FLT4: variants seen among roughly 807,000 people sequenced by gnomAD.
FLT4 encodes vascular endothelial growth factor receptor 3.
A neutral mutation model predicts 163.2 loss-of-function variants in FLT4; 30 were observed. That is an observed-to-expected ratio of 0.18 (90% confidence interval 0.14 to 0.25). The LOEUF is 0.25. Among genes scored for constraint, FLT4 ranks in the 10% least tolerant of loss-of-function variants. FLT4 has a pLI of 1.00. For synonymous variants in FLT4, 884 were observed against 789.5 expected (o/e 1.12, Z -2.01); for missense variants, 1,510 against 1,863.8 (o/e 0.81, Z 3.50).
In FLT4 at chr5:180,626,262, G is replaced by A; in HGVS notation, c.1107C>T (p.Tyr369=). 2 of 1,612,136 alleles carry A rather than the reference G, an allele frequency of 1.2e-6. No homozygotes were observed. The highest frequency in any genetic ancestry group is 2.2e-5 in the South Asian group (2 of 91,082). The part of the protein sequence containing the change: ...AAYPPPEFQW[Y]KDGKALSGRH... ...GCCCGGACAGTGCCTTTCCATCCTT[G>A]TACCTGGCCAGGGAAGGGAGGTCAG... Residue 369 remains tyrosine (Y), a synonymous_variant, in exon 9 of 30, where the codon TAC becomes TAT. Coordinates refer to ENST00000261937, the MANE Select transcript of FLT4 (RefSeq NM_182925.5).
At chr5:180,629,862 A>G in intron 5 of FLT4, 27 bp from the exon 6 acceptor site, 1 of 1,612,468 alleles carries the variant, frequency 6.2e-7, no homozygotes, top group Non-Finnish European at 8.5e-7. Context: ...AGTGACTCCC[A>G]CGCCCTCACA....
At position 180,629,958 on chromosome 5, in the gene FLT4, G is replaced by A. The variant is rs777138317; in HGVS notation, c.661C>T (p.Leu221=). ...GCCCTGTTACCTGTGATGTGCACCA[G>A]GAAGGGGTTGGAAAGGAAGTCCTGG... ...GDQDFLSNPF[L]VHITGNELYD... The change falls in exon 5 of 30, where the codon CTG becomes TTG. Residue 221 remains leucine, a synonymous_variant. Transcript: ENST00000261937. The A allele has an allele frequency of 6.2e-7, 1 of 1,612,902 alleles. No homozygotes were observed. The highest frequency in any genetic ancestry group is 8.5e-7 in the Non-Finnish European group (1 of 1,180,022).
rs2127838504 is a variant in FLT4, at chr5:180,630,581, G to A, written c.374C>T (p.Ala125Val). ...TCTCACGAACACGTAGGAGCTGGCGGCCGTGGTGCCCTCGATGCGTGCCTT... is the reference window on the plus strand; with the variant it reads ...TCTCACGAACACGTAGGAGCTGGCGACCGTGGTGCCCTCGATGCGTGCCTT... ...YIKARIEGTT[A>V]ASSYVFVRDF... The change falls in exon 3 of 30, where the codon GCC becomes GTC. Residue 125 changes from alanine to valine, a missense_variant. By Grantham distance (64) the Ala-to-Val change is moderately conservative. Transcript: ENST00000261937. This position sits in a 1 kb window ranked among gnomAD's most constrained non-coding sequence, Gnocchi z 6.3. 1 of 1,613,000 alleles carries A rather than the reference G, an allele frequency of 6.2e-7. No individual in the cohort carries two copies. The highest frequency in any genetic ancestry group is 8.5e-7 in the Non-Finnish European group (1 of 1,179,958).
intron 1 of FLT4, among the ~76,000 whole-genome samples, chr5:180,648,822 C>T (rs1170535816): frequency 2.6e-5 from 4 of 152,222 alleles, no homozygotes. Flanking sequence ...CCCCTGTCCC[C>T]TCAAATCCGG....
intron 2 of FLT4, among the ~76,000 whole-genome samples, 162 bp downstream of exon 2, chr5:180,631,520 G>A (rs1371010040): frequency 6.6e-6 from 1 of 152,132 alleles, no homozygotes; most frequent in Non-Finnish European, 1.5e-5. Context: ...TGAGGCTGGG[G>A]AGGACCGAAG....
At position 180,628,893 on chromosome 5, in the gene FLT4, G is replaced by A. The variant is rs746150032; in HGVS notation, c.1092C>T (p.Pro364=). 2.2e-5 allele frequency: 36 copies of A among 1,610,486 alleles called. No individual in the cohort carries two copies. Among genetic ancestry groups the A allele is most frequent in the East Asian group, 1.3e-4 (6 of 44,838 alleles). Residue 364 remains proline, a synonymous_variant, in exon 8 of 30, where the codon CCC becomes CCT. Transcript: ENST00000261937. ...LPVKLAAYPP[P]EFQWYKDGKA... ...GCCAGGGCTGTTACCACTGGAACTC[G>A]GGCGGGGGGTACGCTGCCAGCTTCA...
chr5:180,627,428 A>G (rs1208173878), intron 8 of FLT4, among the ~76,000 whole-genome samples: 1 of 152,124 alleles, frequency 6.6e-6, no homozygotes, highest in Non-Finnish European at 1.5e-5. Context: ...AGACTCCTTC[A>G]TTGCCTCAAT....
intron 1 of FLT4, among the ~76,000 whole-genome samples, chr5:180,634,831 A>T (rs796523851): frequency 0.035 from 238 of 6,828 alleles, 97 homozygotes; most frequent in Middle Eastern, 0.11. Context: ...GGTGGGTGGG[A>T]GGATGGATGC....
At position 180,630,911 on chromosome 5, in the gene FLT4, AAC is replaced by A. The variant is rs1764069897; in HGVS notation, c.156-114_156-113del. 1 of 1,321,912 alleles carries A rather than the reference AAC, an allele frequency of 7.6e-7. No homozygotes were observed. The highest frequency in any genetic ancestry group is 1.0e-6 in the Non-Finnish European group (1 of 983,732). The allele number at this position is 1,321,912 out of a possible 1,614,324, so 81.9% of individuals were successfully genotyped here. ...CAGGTTTGTCTTACCCAGAGCATGGAACTGCCCAGGGTTTGGGCGCACACTAC... is the reference window on the plus strand; with the variant it reads ...CAGGTTTGTCTTACCCAGAGCATGGATGCCCAGGGTTTGGGCGCACACTAC... On this transcript the variant is annotated intron_variant, in intron 2 of 29. Transcript: ENST00000261937. The surrounding 1 kb of genome is among the most constrained non-coding windows in gnomAD (Gnocchi z 6.3).
rs757097428 is a variant in FLT4, at chr5:180,622,814, T to C, written c.1574A>G (p.Asn525Ser). The change falls in exon 12 of 30, where the codon AAT (asparagine) becomes AGT (serine). Residue 525 changes from asparagine (N) to serine (S), a missense_variant. Around this residue, in one of 5 missense-constraint regions of FLT4, gnomAD observed 878 missense variants for 1,016.7 expected, o/e 0.86. Coordinates refer to ENST00000261937, the MANE Select transcript of FLT4 (RefSeq NM_182925.5). ...NKTVSKLVIQ[N>S]ANVSAMYKCV... ...CTTGTACATGGCAGACACGTTGGCA[T>C]TCTGGATCACCAGCTTGCTCACAGT... 9.3e-6 allele frequency: 15 copies of C among 1,613,256 alleles called. No individual in the cohort carries two copies. Among genetic ancestry groups the C allele is most frequent in the Admixed American group, 1.7e-5 (1 of 59,988 alleles).
At chr5:180,603,772 CG>C (rs1292571159) in intron 29 of FLT4, among the ~76,000 whole-genome samples, 18 of 152,094 alleles carry the variant, frequency 1.2e-4, no homozygotes, top group Admixed American at 9.8e-4. Context: ...GGCGTGGTGG[CG>C]GGCGCCTGTA....
intron 20 of FLT4, 35 bp downstream of exon 20, chr5:180,618,986 C>A (rs774180284): frequency 1.7e-5 from 27 of 1,549,134 alleles, no homozygotes; most frequent in Non-Finnish European, 2.4e-5. Context: ...TCCATTCCCC[C>A]GCCGCCCGCG....
At chr5:180,618,697 G>GCAGGGTTACC in intron 21 of FLT4, 73 bp downstream of exon 21, 1 of 323,958 alleles carries the variant, frequency 3.1e-6, no homozygotes, top group Admixed American at 9.3e-5. Flanking sequence ...AGGACCCCAG[G>GCAGGGTTACC]CTGGGGTGCC....
chr5:180,618,697 G>T, intron 21 of FLT4, 73 bp downstream of exon 21: 1 of 323,952 alleles, frequency 3.1e-6, no homozygotes. Context: ...AGGACCCCAG[G>T]CTGGGGTGCC....
chr5:180,631,855 T>C, intron 1 of FLT4, 77 bp from the exon 2 acceptor site: 3 of 1,047,980 alleles, frequency 2.9e-6, no homozygotes, highest in Non-Finnish European at 4.4e-6. Flanking sequence ...CTGGGCATTC[T>C]GCATCGCAAG....
chr5:180,614,008 T>G (rs366388), intron 24 of FLT4, 60 bp downstream of exon 24: 1 of 1,194,696 alleles, frequency 8.4e-7, no homozygotes, highest in Admixed American at 1.7e-5. Flanking sequence ...GGGGCGGTCA[T>G]GTAACCTGCC....
chr5:180,606,873 T>C (rs1761814744), intron 29 of FLT4, among the ~76,000 whole-genome samples: 1 of 142,056 alleles, frequency 7.0e-6, no homozygotes, highest in South Asian at 2.3e-4. Flanking sequence ...CTGGCCAACG[T>C]GGCGAAACCC....
intron 1 of FLT4, among the ~76,000 whole-genome samples, chr5:180,632,599 G>GGTGT (rs36217296): frequency 4.6e-5 from 7 of 150,716 alleles, no homozygotes; most frequent in Admixed American, 1.3e-4. Context: ...CCCGTGAGGT[G>GGTGT]GTGTGTGTGT....
At chr5:180,606,361 G>A (rs1761781370) in intron 29 of FLT4, among the ~76,000 whole-genome samples, 3 of 152,144 alleles carry the variant, frequency 2.0e-5, no homozygotes, top group South Asian at 4.1e-4. Context: ...AGCTCTCCTC[G>A]CAGCCCCATC....
Sources: allele counts gnomAD v4.1 joint callset (sites outside exome capture counted in the v4.1 genomes callset), GRCh38; gene constraint gnomAD v4.1.1; regional missense constraint gnomAD v4.1.1; non-coding constraint Gnocchi (gnomAD v3.1); transcripts MANE v1.5; gene names NCBI Gene and HGNC (gene_info 2026-07-23, HGNC 2026-07-21).